The following FBXO25 variants were observed in gnomAD, a reference collection of about 807,000 sequenced individuals.
FBXO25 encodes the protein F-box protein 25, also known as F-box only protein 25.
Under a neutral mutation model 51.9 loss-of-function variants are expected in FBXO25, and 45 were observed. That is an observed-to-expected ratio of 0.87 (90% CI 0.68 to 1.11). The LOEUF (loss-of-function observed/expected upper bound fraction) is 1.11, where lower values mean the gene tolerates loss of function less well. Ranked by LOEUF, FBXO25 falls within the 50% of genes most tolerant of loss-of-function variation. FBXO25 has a pLI of 0.00. For synonymous variants in FBXO25, 199 were observed against 151.0 expected (o/e 1.32, Z -2.33); for missense variants, 507 against 428.5 (o/e 1.18, Z -1.62).
rs563790912 is a variant in FBXO25, at chr8:439,329, C to T, written c.381+3622C>T. On this transcript the variant is annotated intron_variant, in intron 5 of 9. Coordinates refer to ENST00000350302, the MANE Select transcript of FBXO25 (RefSeq NM_183420.2). ...GAGGTCCATGCAGGGCAGTGCACGGCGTGAAAGCTTCCTGAAAGCTGCACG... is the reference window on the plus strand; with the variant it reads ...GAGGTCCATGCAGGGCAGTGCACGGTGTGAAAGCTTCCTGAAAGCTGCACG... 3.9e-5 allele frequency among the ~76,000 whole-genome samples: 6 copies of T among 152,124 alleles called. No homozygotes were observed. In the East Asian group the frequency reaches 7.7e-4, roughly 20 times the overall value.
chr8:438,241 T>G lies in FBXO25; in HGVS notation c.381+2534T>G, dbSNP rs369114199. On this transcript the variant is annotated intron_variant, in intron 5 of 9. Coordinates refer to ENST00000350302, the MANE Select transcript of FBXO25 (RefSeq NM_183420.2). ...GGCTAATTCTTTTTTGTATTTTTAGTAGAGATGGGGTTTCGCCATTTTGGC... is the reference window on the plus strand; with the variant it reads ...GGCTAATTCTTTTTTGTATTTTTAGGAGAGATGGGGTTTCGCCATTTTGGC... 1.3e-4 allele frequency among the ~76,000 whole-genome samples: 20 copies of G among 152,242 alleles called. No individual in the cohort carries two copies. In the South Asian group the frequency reaches 3.7e-3, roughly 28 times the overall value.
intron 4 of FBXO25, among the ~76,000 whole-genome samples, chr8:433,263 A>G (rs183613883): frequency 0.01 from 1,551 of 151,850 alleles, 19 homozygotes; most frequent in Non-Finnish European, 0.017. Flanking sequence ...TGTGGGATGT[A>G]TGGTGTGTGG....
chr8:459,800 A>G (rs932998607), intron 8 of FBXO25, among the ~76,000 whole-genome samples: 4 of 152,166 alleles, frequency 2.6e-5, no homozygotes, highest in Admixed American at 6.5e-5. Flanking sequence ...ACCAACCCCA[A>G]TGTTGAGGGA....
At chr8:424,451 A>G (rs1348603201) in intron 2 of FBXO25, among the ~76,000 whole-genome samples, 1 of 152,178 alleles carries the variant, frequency 6.6e-6, no homozygotes, top group African/African-American at 2.4e-5. Context: ...GCCAACGTCA[A>G]GAAGAGTATT....
chr8:416,060 C>T (rs141166014), intron 2 of FBXO25, among the ~76,000 whole-genome samples: 202 of 152,294 alleles, frequency 1.3e-3, no homozygotes, highest in African/African-American at 4.7e-3. Flanking sequence ...ATTGCTTGCT[C>T]CTCCTTGTTC....
rs575198790 is a variant in FBXO25, at chr8:428,746, T to G, written c.135-2595T>G. ...GGTAACTGGCTTTCTATTTTCTGTT[T>G]GTATGATTTGACTTTTCTGAGTACC... On this transcript the variant is annotated intron_variant, in intron 2 of 9. Coordinates refer to ENST00000350302, the MANE Select transcript of FBXO25 (RefSeq NM_183420.2). Among the ~76,000 whole-genome samples, 29 of 152,340 alleles carry G rather than the reference T, an allele frequency of 1.9e-4. No homozygotes were observed. In the East Asian group the frequency reaches 5.2e-3, roughly 27 times the overall value.
chr8:414,899 C>A (rs1342449037), intron 2 of FBXO25, among the ~76,000 whole-genome samples: 2 of 152,210 alleles, frequency 1.3e-5, no homozygotes, highest in Non-Finnish European at 2.9e-5. Flanking sequence ...CCATTTCGTT[C>A]ATCTTCCTCT....
rs982376555 is a variant in FBXO25 at position 469,077 on chromosome 8, G to C, written c.*273G>C. 8 of 324,040 alleles carry C rather than the reference G, an allele frequency of 2.5e-5. No homozygotes were observed. Among genetic ancestry groups the C allele is most frequent in the East Asian group, 1.5e-4 (3 of 19,482 alleles). 20.1% of individuals were successfully genotyped at this position (324,040 alleles called of 1,614,324 possible). On this transcript the variant is annotated 3_prime_UTR_variant, in exon 10 of 10. Coordinates refer to ENST00000350302, the MANE Select transcript of FBXO25 (RefSeq NM_183420.2). Reference sequence around the variant, plus strand: ...CGTACTCTCTCTCTCTATATATATAGTTCAAAAATACTTTAGGTGGTCAGC... The same window carrying C: ...CGTACTCTCTCTCTCTATATATATACTTCAAAAATACTTTAGGTGGTCAGC...
chr8:411,686 G>A (rs1274309502), intron 1 of FBXO25, among the ~76,000 whole-genome samples: 2 of 152,246 alleles, frequency 1.3e-5, no homozygotes, highest in South Asian at 4.2e-4. Flanking sequence ...TGATAAACAC[G>A]CTAATCATTT....
intron 3 of FBXO25, among the ~76,000 whole-genome samples, 158 bp downstream of exon 3, chr8:431,602 C>T (rs547175746): frequency 6.6e-6 from 1 of 152,312 alleles, no homozygotes; most frequent in Admixed American, 6.5e-5. Context: ...AAACTTTTTG[C>T]AGCTCAACCG....
chr8:435,785 TGAA>T (rs1798069753), intron 5 of FBXO25, 78 bp downstream of exon 5: 1 of 1,536,514 alleles, frequency 6.5e-7, no homozygotes, highest in African/African-American at 1.4e-5. Flanking sequence ...TGTACAACGT[TGAA>T]GATGCTTTTG....
chr8:415,130 CAT>C (rs1796718702), intron 2 of FBXO25, among the ~76,000 whole-genome samples: 1 of 152,212 alleles, frequency 6.6e-6, no homozygotes, highest in Admixed American at 6.5e-5. Context: ...CTTTGAGAAA[CAT>C]AGTACTCCTA....
chr8:418,831 A>G (rs1796977079), intron 2 of FBXO25, among the ~76,000 whole-genome samples: 1 of 152,202 alleles, frequency 6.6e-6, no homozygotes, highest in Non-Finnish European at 1.5e-5. Context: ...TCAACTGGAT[A>G]AACGTGCAAG....
chr8:460,499 T>A (rs1438621471), intron 8 of FBXO25, among the ~76,000 whole-genome samples: 2 of 152,188 alleles, frequency 1.3e-5, no homozygotes, highest in Non-Finnish European at 2.9e-5. Context: ...AAAGCTTAGA[T>A]AAGGAAGCAT....
Position 473,676 on chromosome 8 carries a change from G to C in FBXO25, c.*4872G>C, listed in dbSNP as rs988825253. The C allele has an allele frequency of 6.6e-6, 1 of 152,160 alleles. No individual in the cohort carries two copies. Among genetic ancestry groups the C allele is most frequent in the Admixed American group, 6.5e-5 (1 of 15,284 alleles). The allele number at this position is 152,160 out of a possible 1,614,324, so 9.4% of individuals were successfully genotyped here. A position where few individuals can be genotyped will look rare whatever the true frequency, so the allele number is the denominator to read the frequency against. On this transcript the variant is annotated 3_prime_UTR_variant, in exon 10 of 10. Transcript: ENST00000350302. ...CACTGCTGGTGCCACAGGGGTCCTG[G>C]GCTGGCTCTTGGACCATAACCAGCG...
chr8:422,007 T>G (rs907738853), intron 2 of FBXO25, among the ~76,000 whole-genome samples: 2 of 152,242 alleles, frequency 1.3e-5, no homozygotes, highest in African/African-American at 2.4e-5. Context: ...TTCTTCCTTG[T>G]AGAATTCCAG....
At chr8:415,292 C>A (rs1265353747) in intron 2 of FBXO25, among the ~76,000 whole-genome samples, 1 of 152,118 alleles carries the variant, frequency 6.6e-6, no homozygotes, top group East Asian at 1.9e-4. Context: ...GCTTACTTTT[C>A]AACTCATTTT....
At chr8:412,824 A>G (rs1186326072) in intron 1 of FBXO25, among the ~76,000 whole-genome samples, 2 of 152,112 alleles carry the variant, frequency 1.3e-5, no homozygotes, top group East Asian at 1.9e-4. Flanking sequence ...CTAGAATGTC[A>G]CCTCTGGTAA....
chr8:428,573 T>C (rs1225177762), intron 2 of FBXO25, among the ~76,000 whole-genome samples: 7 of 152,298 alleles, frequency 4.6e-5, no homozygotes. Flanking sequence ...CCTAACCATT[T>C]TTAAATGTAC....
Sources: gnomAD v4.1 joint callset for allele counts (sites outside exome capture counted in the v4.1 genomes callset) on GRCh38, gnomAD v4.1.1 for gene constraint, MANE v1.5 for transcripts, NCBI Gene and HGNC (gene_info 2026-07-23, HGNC 2026-07-21) for gene names.